Variants in SCHIP1 observed in about 807,000 individuals in gnomAD.
SCHIP1 encodes the protein schwannomin interacting protein 1.
A neutral mutation model predicts 29.7 loss-of-function variants in SCHIP1; 8 were observed. The observed-to-expected ratio is 0.27, with a 90% CI of 0.16 to 0.49. SCHIP1 has a LOEUF of 0.49. SCHIP1 is among the 20% of genes least tolerant of loss of function. SCHIP1 has a pLI of 0.99. For synonymous variants in SCHIP1, 76 were observed against 94.9 expected, an observed-to-expected ratio of 0.80 and a Z score of 1.16; for missense variants, 193 against 294.6, an observed-to-expected ratio of 0.66 and a Z score of 2.52.
chr3:159,788,597 C>G, the SCHIP1 span, among the ~76,000 whole-genome samples: 1 of 152,140 alleles, frequency 6.6e-6, no homozygotes, highest in African/African-American at 2.4e-5. Flanking sequence ...CAAGAGCCCC[C>G]TCTCAGGGCC....
chr3:159,499,867 T>A, the SCHIP1 span, among the ~76,000 whole-genome samples: 4 of 152,224 alleles, frequency 2.6e-5, no homozygotes, highest in African/African-American at 9.6e-5. Flanking sequence ...CTAAAGAGCT[T>A]AGGTTTATTC....
the SCHIP1 span, among the ~76,000 whole-genome samples, chr3:159,570,604 C>T: frequency 6.6e-6 from 1 of 152,120 alleles, no homozygotes; most frequent in African/African-American, 2.4e-5. Context: ...GTTCTTTTTG[C>T]TTAGGATTGT....
chr3:159,566,111 A>T, the SCHIP1 span, among the ~76,000 whole-genome samples: 1 of 152,192 alleles, frequency 6.6e-6, no homozygotes, highest in Non-Finnish European at 1.5e-5. Context: ...TTTTTTAACT[A>T]AAACATTGCA....
chr3:159,423,999 C>T, the SCHIP1 span, among the ~76,000 whole-genome samples: 1 of 150,050 alleles, frequency 6.7e-6, no homozygotes, highest in South Asian at 2.2e-4. Flanking sequence ...ATTTGAGGGT[C>T]CTGTCTGTTA....
At chr3:159,572,993 A>G in the SCHIP1 span, among the ~76,000 whole-genome samples, 1 of 142,668 alleles carries the variant, frequency 7.0e-6, no homozygotes, top group Non-Finnish European at 1.5e-5. Context: ...TTTTATTTTG[A>G]GCCTATGTGC....
the SCHIP1 span, among the ~76,000 whole-genome samples, chr3:159,825,468 G>A: frequency 1.3e-5 from 2 of 152,198 alleles, no homozygotes; most frequent in Non-Finnish European, 1.5e-5. Flanking sequence ...TAGCATCCAG[G>A]AAAGCTTCAT....
chr3:159,395,414 G>C, the SCHIP1 span, among the ~76,000 whole-genome samples: 9 of 151,692 alleles, frequency 5.9e-5, no homozygotes, highest in Non-Finnish European at 1.2e-4. Context: ...GTGATGTTAG[G>C]GTGTCAATTT....
chr3:159,791,766 A>G, the SCHIP1 span, among the ~76,000 whole-genome samples: 3 of 152,222 alleles, frequency 2.0e-5, no homozygotes, highest in African/African-American at 4.8e-5. Context: ...TTATCTGACT[A>G]TAAAACAGGG....
the SCHIP1 span, among the ~76,000 whole-genome samples, chr3:159,654,175 G>A: frequency 1.3e-5 from 2 of 152,070 alleles, no homozygotes; most frequent in African/African-American, 4.8e-5. Flanking sequence ...TCCTCCAAGA[G>A]TATCTTCCTC....
the SCHIP1 span, among the ~76,000 whole-genome samples, chr3:159,517,817 C>G: frequency 6.6e-6 from 1 of 151,856 alleles, no homozygotes; most frequent in Non-Finnish European, 1.5e-5. Flanking sequence ...GGAAAGGAAA[C>G]TAATATTTTT....
intron 1 of SCHIP1, among the ~76,000 whole-genome samples, chr3:159,842,936 G>A (rs1186263266): frequency 6.7e-6 from 1 of 149,120 alleles, no homozygotes; most frequent in East Asian, 2.0e-4. Context: ...TCACTTCTAG[G>A]TGAAGCCTTA....
the SCHIP1 span, among the ~76,000 whole-genome samples, chr3:159,576,419 C>G: frequency 5.3e-5 from 8 of 152,068 alleles, no homozygotes; most frequent in African/African-American, 1.9e-4. Context: ...TGTGGCTGCT[C>G]TTTTGATCTT....
At chr3:159,569,853 T>A in the SCHIP1 span, among the ~76,000 whole-genome samples, 3 of 152,212 alleles carry the variant, frequency 2.0e-5, no homozygotes, top group Admixed American at 6.5e-5. Flanking sequence ...TTTTAATGAT[T>A]GCCATTCTAA....
the SCHIP1 span, among the ~76,000 whole-genome samples, chr3:159,493,505 A>G: frequency 6.6e-6 from 1 of 152,152 alleles, no homozygotes; most frequent in African/African-American, 2.4e-5. Context: ...GAGACAAAGA[A>G]GGCCATTACA....
chr3:159,638,255 T>C, the SCHIP1 span, among the ~76,000 whole-genome samples: 3 of 152,230 alleles, frequency 2.0e-5, no homozygotes, highest in Non-Finnish European at 4.4e-5. Flanking sequence ...CTCTAAGGTC[T>C]CTCAGCTCTG....
chr3:159,851,116 A>T (rs979404497), intron 1 of SCHIP1, among the ~76,000 whole-genome samples: 14 of 152,092 alleles, frequency 9.2e-5, no homozygotes, highest in African/African-American at 2.9e-4. Context: ...CCTACAAAAA[A>T]TTTTTTAAAT....
the SCHIP1 span, among the ~76,000 whole-genome samples, chr3:159,673,358 C>T: frequency 1.3e-5 from 2 of 152,212 alleles, no homozygotes; most frequent in Non-Finnish European, 2.9e-5. Flanking sequence ...ATCCTGTATC[C>T]TGCTTAGCTA....
chr3:159,349,802 A>AGAAGATGAAGCTT, the SCHIP1 span, among the ~76,000 whole-genome samples: 8 of 152,320 alleles, frequency 5.3e-5, no homozygotes, highest in Admixed American at 2.6e-4. Flanking sequence ...ATGTTTAAAT[A>AGAAGATGAAGCTT]GAAGATGAAG....
At chr3:159,802,606 G>A in the SCHIP1 span, among the ~76,000 whole-genome samples, 14 of 152,164 alleles carry the variant, frequency 9.2e-5, no homozygotes, top group African/African-American at 2.9e-4. Context: ...TACTGTGGGT[G>A]GAATTCATTC....
Sources: gnomAD v4.1 joint callset for allele counts (sites outside exome capture counted in the v4.1 genomes callset) on GRCh38, gnomAD v4.1.1 for gene constraint, MANE v1.5 for transcripts, NCBI Gene and HGNC (gene_info 2026-07-23, HGNC 2026-07-21) for gene names.